Variants in ADCY6 observed in about 807,000 individuals in gnomAD.
ADCY6 encodes the protein adenylate cyclase type 6.
A neutral mutation model predicts 111.6 loss-of-function variants in ADCY6; 59 were observed. That is an observed-to-expected ratio of 0.53 (90% CI 0.43 to 0.66). The LOEUF (loss-of-function observed/expected upper bound fraction) is 0.66. ADCY6 is among the 30% of genes least tolerant of loss of function. ADCY6 has a pLI of 0.00. For missense variants in ADCY6, 1,242 were observed against 1,595.6 expected, an observed-to-expected ratio of 0.78 and a Z score of 3.78; for synonymous variants, 576 against 642.9, an observed-to-expected ratio of 0.90 and a Z score of 1.57.
Position 48,789,000 on chromosome 12 carries a change from C to T in ADCY6, c.-99G>A, listed in dbSNP as rs1297267605. ...CGGCCGTCCCGCGGTCCTCCGAGCC[C>T]GCGCGTCCTGGCCGTCCCGCCCGCC... On this transcript the variant is annotated 5_prime_UTR_variant, in exon 1 of 22. Coordinates refer to ENST00000357869, the MANE Select transcript of ADCY6 (RefSeq NM_015270.5). 1.4e-5 allele frequency: 2 copies of T among 147,166 alleles called. No individual in the cohort carries two copies. The highest frequency in any genetic ancestry group is 3.0e-5 in the Non-Finnish European group (2 of 66,158). The allele number at this position is 147,166 out of a possible 1,614,324, so 9.1% of individuals were successfully genotyped here.
Position 48,783,363 on chromosome 12 carries a change from C to T in ADCY6, c.72G>A (p.Gly24=), listed in dbSNP as rs1408899198. 1 of 1,614,220 alleles carries T rather than the reference C, an allele frequency of 6.2e-7. No homozygotes were observed. Among genetic ancestry groups the T allele is most frequent in the Non-Finnish European group, 8.5e-7 (1 of 1,180,040 alleles). The change falls in exon 2 of 22, where the codon GGG becomes GGA. Residue 24 remains glycine, a synonymous_variant. Coordinates refer to ENST00000357869, the MANE Select transcript of ADCY6 (RefSeq NM_015270.5). ...TGCCACGGCGCCGCGAACGCTTCTG[C>T]CCATTGCGTTCACCCCAGGCTGTTT... ...ERKTAWGERN[G]QKRSRRRGTR... is the part of the protein sequence containing the mutation.
rs1941554351 is a variant in ADCY6 at position 48,771,853 on chromosome 12, G to C, written c.2908C>G (p.Leu970Val). The change falls in exon 19 of 22, where the codon CTC becomes GTC. Residue 970 changes from leucine to valine, a missense_variant. This residue lies in a region of ADCY6 where 245 missense variants were observed against 371.3 expected (regional missense o/e 0.66). Transcript: ENST00000357869. This position sits in a 1 kb window ranked among gnomAD's most constrained non-coding sequence, Gnocchi z 4.3. ...FLARERRNDE[L>V]YYQSCECVAV... ...ACACACTCACACGACTGATAGTAGA[G>C]TTCATCATTGCGGCGCTCCCGGGCC... The C allele has an allele frequency of 1.2e-6, 2 of 1,614,206 alleles. No homozygotes were observed. The highest frequency in any genetic ancestry group is 1.7e-6 in the Non-Finnish European group (2 of 1,180,044).
chr12:48,781,199 CAA>C (rs1200774947), intron 2 of ADCY6, among the ~76,000 whole-genome samples: 3 of 102,644 alleles, frequency 2.9e-5, no homozygotes, highest in Non-Finnish European at 4.2e-5. Context: ...GACTCCGTCT[CAA>C]AAAAAAAAAA....
Position 48,774,014 on chromosome 12 carries a change from G to A in ADCY6, c.2368C>T (p.Gln790Ter). 1 of 1,613,466 alleles carries A rather than the reference G, an allele frequency of 6.2e-7. No homozygotes were observed. The highest frequency in any genetic ancestry group is 8.5e-7 in the Non-Finnish European group (1 of 1,179,720). Residue 790 changes from glutamine to a stop codon, truncating the protein, a stop_gained, in exon 15 of 22, where the codon CAG becomes TAG. Coordinates refer to ENST00000357869, the MANE Select transcript of ADCY6 (RefSeq NM_015270.5). LOFTEE classifies it high-confidence loss of function. ...AGGCCCAGAGAGTAATTGAGCTGCT[G>A]CAGGTGGCAGGCAGTGATGTCAGCA... ...TPADITACHL[Q>*]QLNYSLGLDA...
chr12:48,780,911 G>T (rs1329838654), intron 2 of ADCY6, among the ~76,000 whole-genome samples: 1 of 152,190 alleles, frequency 6.6e-6, no homozygotes, highest in Non-Finnish European at 1.5e-5. Context: ...CTGGCATTCT[G>T]GCATTCTGGC....
chr12:48,776,731 G>A lies in ADCY6; in HGVS notation c.1377-145C>T, dbSNP rs1941714859. On this transcript the variant is annotated intron_variant, in intron 6 of 21. Transcript: ENST00000357869. The surrounding 1 kb of genome is among the most constrained non-coding windows in gnomAD (Gnocchi z 6.1). ...GGAGCACAGCCTTGGTTGGACATGA[G>A]CAGAAGGCTGCATGGGGCTCAAGGA... is the stretch of plus-strand genomic sequence containing the variant. 4.5e-6 allele frequency: 5 copies of A among 1,110,182 alleles called. No homozygotes were observed. The South Asian group carries it at 6.6e-5, about 15-fold the overall frequency. 68.8% of individuals were successfully genotyped at this position (1,110,182 alleles called of 1,614,324 possible).
At chr12:48,768,796 G>C in intron 21 of ADCY6, 80 bp from the exon 22 acceptor site, 1 of 1,570,902 alleles carries the variant, frequency 6.4e-7, no homozygotes, top group Non-Finnish European at 8.7e-7. Flanking sequence ...TCTCTAGTCA[G>C]GCTAGCTCCC....
intron 20 of ADCY6, among the ~76,000 whole-genome samples, chr12:48,770,063 ATTTT>A (rs35784184): frequency 1.2e-4 from 14 of 112,888 alleles, no homozygotes; most frequent in African/African-American, 4.8e-4. Context: ...GCCCGGCCTA[ATTTT>A]TTTTTTTTTT....
In ADCY6 at chr12:48,784,766, G is replaced by A. The variant is rs139075564; in HGVS notation, c.-4-1328C>T. Among the ~76,000 whole-genome samples the A allele has an allele frequency of 2.9e-3, 406 of 138,866 alleles. 3 individuals carry two copies. Among genetic ancestry groups the A allele is most frequent in the African/African-American group, 0.011 (395 of 36,994 alleles). 91.1% of individuals were successfully genotyped at this position (138,866 alleles called of 152,430 possible). A position where few individuals can be genotyped will look rare whatever the true frequency, so the allele number is the denominator to read the frequency against. On this transcript the variant is annotated intron_variant, in intron 1 of 21. Transcript: ENST00000357869. The stretch of plus-strand genomic sequence containing the variant: ...TGGCTCACTGCAAGCTCCGCCTCCC[G>A]GGTTCACACCATTCAGCCTCCCAAA...
intron 2 of ADCY6, among the ~76,000 whole-genome samples, chr12:48,781,883 C>A (rs1039251381): frequency 6.6e-6 from 1 of 152,194 alleles, no homozygotes; most frequent in Non-Finnish European, 1.5e-5. Context: ...AGGAAAGGCG[C>A]CCAGGTCCCT....
chr12:48,776,331 C>A lies in ADCY6; in HGVS notation c.1555G>T (p.Ala519Ser), dbSNP rs1223015807. ...GRAGRIHITR[A>S]TLQYLNGDYE... ...TCCCCGTTCAGGTACTGCAGTGTTG[C>A]CCGAGTGATGTGGATGCGGCTGTAT... Residue 519 changes from alanine to serine, a missense_variant, in exon 8 of 22, where the codon GCA (alanine) becomes TCA (serine). Ala to Ser is a moderately conservative substitution (Grantham distance 99). Coordinates refer to ENST00000357869, the MANE Select transcript of ADCY6 (RefSeq NM_015270.5). This position sits in a 1 kb window ranked among gnomAD's most constrained non-coding sequence, Gnocchi z 6.1. The A allele has an allele frequency of 6.2e-7, 1 of 1,614,216 alleles. No individual in the cohort carries two copies. Among genetic ancestry groups the A allele is most frequent in the East Asian group, 2.2e-5 (1 of 44,878 alleles).
chr12:48,769,182 T>C, intron 20 of ADCY6, 121 bp from the exon 21 acceptor site: 1 of 1,123,672 alleles, frequency 8.9e-7, no homozygotes, highest in South Asian at 2.2e-5. Context: ...ACAAGTCTCC[T>C]GGTTGTAAAG....
rs1210355245 is a variant in ADCY6 at position 48,773,524 on chromosome 12, C to T, written c.2566G>A (p.Gly856Ser). The T allele has an allele frequency of 1.9e-6, 3 of 1,614,042 alleles. No individual in the cohort carries two copies. The highest frequency in any genetic ancestry group is 3.3e-5 in the Admixed American group (2 of 60,006). The change falls in exon 16 of 22, where the codon GGT (glycine) becomes AGT (serine). Residue 856 changes from glycine (G) to serine (S), a missense_variant. Around this residue, in one of 4 missense-constraint regions of ADCY6, gnomAD observed 375 missense variants for 432.5 expected, o/e 0.87. Transcript: ENST00000357869. Reference protein sequence around the residue: ...GLIYLVLLLLGPPATIFDNYD... With the variant: ...GLIYLVLLLLSPPATIFDNYD... ...TTGTCAAAGATGGTGGCTGGGGGACCCAGCAGAAGCAGCACCAAATAGATG... is the reference window on the plus strand; with the variant it reads ...TTGTCAAAGATGGTGGCTGGGGGACTCAGCAGAAGCAGCACCAAATAGATG...
At chr12:48,772,677 A>C (rs757850736) in intron 16 of ADCY6, 134 bp from the exon 17 acceptor site, 10 of 965,712 alleles carry the variant, frequency 1.0e-5, no homozygotes, top group Non-Finnish European at 1.6e-5. Context: ...GCTTTTACTT[A>C]CATTAATTAA....
In ADCY6 at chr12:48,772,342, G is replaced by A; in HGVS notation, c.2740C>T (p.Gln914Ter). Reference protein sequence around the residue: ...VFALALYLHAQQVESTARLDF... With the variant: ...VFALALYLHA ...AGGCGGGCAGTCGACTCCACCTGCT[G>A]AGCATGCAGATACAGCGCCAGCGCA... The change falls in exon 18 of 22, where the codon CAG (glutamine) becomes TAG (stop). Residue 914 changes from glutamine to a stop codon, truncating the protein, a stop_gained. Coordinates refer to ENST00000357869, the MANE Select transcript of ADCY6 (RefSeq NM_015270.5). LOFTEE classifies it high-confidence loss of function. The A allele has an allele frequency of 6.2e-7, 1 of 1,614,152 alleles. No individual in the cohort carries two copies. The highest frequency in any genetic ancestry group is 8.5e-7 in the Non-Finnish European group (1 of 1,180,004).
chr12:48,773,984 C>T lies in ADCY6; in HGVS notation c.2398G>A (p.Ala800Thr). 4 of 1,613,828 alleles carry T rather than the reference C, an allele frequency of 2.5e-6. No homozygotes were observed. Among genetic ancestry groups the T allele is most frequent in the South Asian group, 1.1e-5 (1 of 90,994 alleles). ...GGCATGGTGCCCTCACACAGGGGAG[C>T]ATCCAGGCCCAGAGAGTAATTGAGC... Reference protein sequence around the residue: ...QQLNYSLGLDAPLCEGTMPTC... With the variant: ...QQLNYSLGLDTPLCEGTMPTC... Residue 800 changes from alanine (A) to threonine (T), a missense_variant, in exon 15 of 22, where the codon GCT becomes ACT. Around this residue, in one of 4 missense-constraint regions of ADCY6, gnomAD observed 375 missense variants for 432.5 expected, o/e 0.87. Coordinates refer to ENST00000357869, the MANE Select transcript of ADCY6 (RefSeq NM_015270.5).
At position 48,768,274 on chromosome 12, in the gene ADCY6, T is replaced by G; in HGVS notation, c.*317A>C. On this transcript the variant is annotated 3_prime_UTR_variant, in exon 22 of 22. Coordinates refer to ENST00000357869, the MANE Select transcript of ADCY6 (RefSeq NM_015270.5). Reference sequence around the variant, plus strand: ...TAGGCATGGCAAGCTGCCATTTTAATCCCTCAGGCAAGAGGCCTCCCTCTG... The same window carrying G: ...TAGGCATGGCAAGCTGCCATTTTAAGCCCTCAGGCAAGAGGCCTCCCTCTG... 1 of 421,438 alleles carries G rather than the reference T, an allele frequency of 2.4e-6. No homozygotes were observed. The highest frequency in any genetic ancestry group is 4.4e-6 in the Non-Finnish European group (1 of 228,076). The allele number at this position is 421,438 out of a possible 1,614,324, so 26.1% of individuals were successfully genotyped here. A position where few individuals can be genotyped will look rare whatever the true frequency, so the allele number is the denominator to read the frequency against.
chr12:48,772,178 C>G, intron 18 of ADCY6, 117 bp downstream of exon 18: 1 of 1,463,568 alleles, frequency 6.8e-7, no homozygotes, highest in African/African-American at 1.4e-5. Context: ...AGGAATGGAA[C>G]CAGGGTGGGC....
At chr12:48,775,601 G>A in intron 10 of ADCY6, 72 bp downstream of exon 10, 1 of 1,586,690 alleles carries the variant, frequency 6.3e-7, no homozygotes, top group Non-Finnish European at 8.7e-7. Context: ...TCAGGGAAAA[G>A]GAGGATCTCG....
Sources: gnomAD v4.1 joint callset for allele counts (sites outside exome capture counted in the v4.1 genomes callset) on GRCh38, gnomAD v4.1.1 for gene constraint, gnomAD v4.1.1 regional missense constraint, Gnocchi (gnomAD v3.1) non-coding constraint, MANE v1.5 for transcripts, NCBI Gene and HGNC (gene_info 2026-07-23, HGNC 2026-07-21) for gene names.